Variants in YRDC observed in about 807,000 individuals in gnomAD.
YRDC encodes the protein yrdC N6-threonylcarbamoyltransferase domain containing, also known as threonylcarbamoyl-AMP synthase.
Under a neutral mutation model 21.5 loss-of-function variants are expected in YRDC, and 17 were observed. The observed-to-expected ratio is 0.79, with a 90% CI of 0.54 to 1.19. The LOEUF (loss-of-function observed/expected upper bound fraction) is 1.19. Ranked by LOEUF, YRDC falls within the 50% of genes most tolerant of loss-of-function variation. The pLI, the probability that YRDC is intolerant of heterozygous loss-of-function variation, is 0.00. For synonymous variants in YRDC, 193 were observed against 176.7 expected (o/e 1.09, Z -0.73); for missense variants, 380 against 397.1 (o/e 0.96, Z 0.37).
chr1:37,807,641 G>C, intron 1 of YRDC, 151 bp downstream of exon 1: 1 of 1,323,210 alleles, frequency 7.6e-7, no homozygotes, highest in Non-Finnish European at 9.8e-7. Context: ...CCCGGGGCAC[G>C]TTAAGTCCTC....
chr1:37,805,741 C>T (rs1048806019), intron 3 of YRDC, among the ~76,000 whole-genome samples: 1 of 152,186 alleles, frequency 6.6e-6, no homozygotes, highest in Non-Finnish European at 1.5e-5. Flanking sequence ...GAACCCTGAG[C>T]CCCACTCTAG....
rs530024611 is a variant in YRDC at position 37,803,282 on chromosome 1, A to G, written c.*643T>C. On this transcript the variant is annotated 3_prime_UTR_variant, in exon 5 of 5. Coordinates refer to ENST00000373044, the MANE Select transcript of YRDC (RefSeq NM_024640.4). ...ACAATACATGACACCACTAGGCCCAATGGCTCAGAGGGAAGAGTGGCCTGT... is the reference window on the plus strand; with the variant it reads ...ACAATACATGACACCACTAGGCCCAGTGGCTCAGAGGGAAGAGTGGCCTGT... The G allele has an allele frequency of 2.0e-5, 3 of 152,488 alleles. No homozygotes were observed. The highest frequency in any genetic ancestry group is 1.9e-4 in the East Asian group (1 of 5,206). The allele number at this position is 152,488 out of a possible 1,614,324, so 9.4% of individuals were successfully genotyped here. A position where few individuals can be genotyped will look rare whatever the true frequency, so the allele number is the denominator to read the frequency against.
Position 37,804,418 on chromosome 1 carries a change from C to T in YRDC, c.651G>A (p.Leu217=), listed in dbSNP as rs371399717. 8.1e-6 allele frequency: 13 copies of T among 1,613,580 alleles called. No homozygotes were observed. Among genetic ancestry groups the T allele is most frequent in the Non-Finnish European group, 1.1e-5 (13 of 1,179,564 alleles). ...TTTGTCCCCCATCAATAACCAAGGA[C>T]AACTGAGGCCAGAGATCCTGGAACT... ...VEEFQDLWPQ[L]SLVIDGGQIG... Residue 217 remains leucine, a synonymous_variant, in exon 4 of 5, where the codon TTG becomes TTA. Coordinates refer to ENST00000373044, the MANE Select transcript of YRDC (RefSeq NM_024640.4).
intron 1 of YRDC, chr1:37,807,533 T>C (rs918057962): frequency 1.5e-6 from 1 of 676,714 alleles, no homozygotes; most frequent in Non-Finnish European, 2.4e-6. Context: ...TGTTTGCTTT[T>C]TTCCCGGGGG....
chr1:37,806,569 A>C (rs1646737683), intron 3 of YRDC, among the ~76,000 whole-genome samples: 1 of 152,236 alleles, frequency 6.6e-6, no homozygotes, highest in Non-Finnish European at 1.5e-5. Flanking sequence ...AGAAACTGTT[A>C]TCTCCAGAAA....
chr1:37,807,992 G>A lies in YRDC; in HGVS notation c.189C>T (p.Arg63=). 2 of 1,201,370 alleles carry A rather than the reference G, an allele frequency of 1.7e-6. No individual in the cohort carries two copies. Among genetic ancestry groups the A allele is most frequent in the Non-Finnish European group, 1.0e-6 (1 of 969,288 alleles). The allele number at this position is 1,201,370 out of a possible 1,614,324, so 74.4% of individuals were successfully genotyped here. A position where few individuals can be genotyped will look rare whatever the true frequency, so the allele number is the denominator to read the frequency against. ...CCCGCAGCGCCTCGGTCCAGCCGGC[G>A]CGCTCCGGGCTCGCGGCCTGCACGG... is the stretch of plus-strand genomic sequence containing the variant. ...SGAVQAASPE[R]AGWTEALRAA... Residue 63 remains arginine (R), a synonymous_variant, in exon 1 of 5, where the codon CGC becomes CGT. Transcript: ENST00000373044.
chr1:37,802,984 AAAAAC>A lies in YRDC; in HGVS notation c.*936_*940del, dbSNP rs1473171954. ...GTTTAATAGCAGCATTTCTTTAAAG[AAAAAC>A]AAAGTTCAAATGCCCAATAATAATT... On this transcript the variant is annotated 3_prime_UTR_variant, in exon 5 of 5. Coordinates refer to ENST00000373044, the MANE Select transcript of YRDC (RefSeq NM_024640.4). 2 of 152,240 alleles carry A rather than the reference AAAAAC, an allele frequency of 1.3e-5. No homozygotes were observed. Among genetic ancestry groups the A allele is most frequent in the Non-Finnish European group, 1.5e-5 (1 of 68,040 alleles). The allele number at this position is 152,240 out of a possible 1,614,324, so 9.4% of individuals were successfully genotyped here.
Position 37,804,415 on chromosome 1 carries a change from G to C in YRDC, c.654C>G (p.Ser218=), listed in dbSNP as rs1204542316. The stretch of plus-strand genomic sequence containing the variant: ...CAATTTGTCCCCCATCAATAACCAA[G>C]GACAACTGAGGCCAGAGATCCTGGA... ...EEFQDLWPQL[S]LVIDGGQIGD... The change falls in exon 4 of 5, where the codon TCC becomes TCG. Residue 218 remains serine (S), a synonymous_variant. Coordinates refer to ENST00000373044, the MANE Select transcript of YRDC (RefSeq NM_024640.4). 2.5e-6 allele frequency: 4 copies of C among 1,613,648 alleles called. No homozygotes were observed. The highest frequency in any genetic ancestry group is 3.4e-6 in the Non-Finnish European group (4 of 1,179,740).
chr1:37,804,455 G>T lies in YRDC; in HGVS notation c.625-11C>A, dbSNP rs1370597259. 20 of 1,607,998 alleles carry T rather than the reference G, an allele frequency of 1.2e-5. No homozygotes were observed. The highest frequency in any genetic ancestry group is 1.6e-4 in the Middle Eastern group (1 of 6,062). On this transcript the variant is annotated splice_polypyrimidine_tract_variant and intron_variant, in intron 3 of 4. Coordinates refer to ENST00000373044, the MANE Select transcript of YRDC (RefSeq NM_024640.4). ...GAGATCCTGGAACTCCTGAGAAGAG[G>T]GAGAAGGAAGAGCATGGACACTATC...
chr1:37,805,457 A>G (rs1646728547), intron 3 of YRDC, among the ~76,000 whole-genome samples: 1 of 151,974 alleles, frequency 6.6e-6, no homozygotes, highest in South Asian at 2.1e-4. Flanking sequence ...TGAGAAGGAT[A>G]CTCCCCCTAG....
Position 37,803,930 on chromosome 1 carries a change from G to C in YRDC, c.835C>G (p.Leu279Val), listed in dbSNP as rs140873604. 3.0e-5 allele frequency: 48 copies of C among 1,614,104 alleles called. No individual in the cohort carries two copies. In the East Asian group the frequency reaches 1.1e-3, roughly 36 times the overall value. The change falls in exon 5 of 5, where the codon CTG becomes GTG. Residue 279 changes from leucine (L) to valine (V), a missense_variant. Physicochemically the swap from Leu to Val is conservative, Grantham distance 32 (BLOSUM62 1). Around this residue, in one of 3 missense-constraint regions of YRDC, gnomAD observed 238 missense variants for 236.5 expected, o/e 1.01. Coordinates refer to ENST00000373044, the MANE Select transcript of YRDC (RefSeq NM_024640.4). ...CCTTCCTGCTTCCCAGAGTTTCACAGGTAGGACGCATGTGAGGGGAGCAGT... is the reference window on the plus strand; with the variant it reads ...CCTTCCTGCTTCCCAGAGTTTCACACGTAGGACGCATGTGAGGGGAGCAGT... ...YGLLPSHASY[L>V]
chr1:37,807,316 C>CAATG, intron 1 of YRDC, 101 bp from the exon 2 acceptor site: 1 of 1,110,438 alleles, frequency 9.0e-7, no homozygotes, highest in Non-Finnish European at 1.3e-6. Flanking sequence ...TTCGAGTTTA[C>CAATG]AATGGGAGCC....
Position 37,803,977 on chromosome 1 carries a change from G to A in YRDC, c.788C>T (p.Ala263Val), listed in dbSNP as rs1245895080. Residue 263 changes from alanine (A) to valine (V), a missense_variant, in exon 5 of 5, where the codon GCC (alanine) becomes GTC (valine). Around this residue, in one of 3 missense-constraint regions of YRDC, gnomAD observed 238 missense variants for 236.5 expected, o/e 1.01. Transcript: ENST00000373044. Reference sequence around the variant, plus strand: ...CAGTCCGTACTTCTGTTGGAGGATGGCTGTAGTACTTTCCAGGGCACTGAG... The same window carrying A: ...CAGTCCGTACTTCTGTTGGAGGATGACTGTAGTACTTTCCAGGGCACTGAG... ...RPGCALESTT[A>V]ILQQKYGLLP... The A allele has an allele frequency of 3.1e-6, 5 of 1,614,054 alleles. No individual in the cohort carries two copies. Among genetic ancestry groups the A allele is most frequent in the Middle Eastern group, 1.6e-4 (1 of 6,080 alleles).
At chr1:37,804,589 G>C in intron 3 of YRDC, 145 bp from the exon 4 acceptor site, 3 of 1,109,558 alleles carry the variant, frequency 2.7e-6, no homozygotes, top group Non-Finnish European at 2.5e-6. Context: ...TTTAGTTAAG[G>C]TCAACTGTGC....
intron 4 of YRDC, 150 bp downstream of exon 4, chr1:37,804,152 C>G: frequency 7.0e-7 from 1 of 1,430,446 alleles, no homozygotes. Context: ...AGCCAGGAAA[C>G]TTAGTCCCAC....
intron 3 of YRDC, 94 bp downstream of exon 3, chr1:37,806,763 C>A: frequency 6.4e-7 from 1 of 1,571,742 alleles, no homozygotes; most frequent in Non-Finnish European, 8.7e-7. Context: ...AACTCTCATG[C>A]CTGGCCATCC....
At position 37,807,807 on chromosome 1, in the gene YRDC, A is replaced by T; in HGVS notation, c.374T>A (p.Val125Glu). 1 of 1,510,100 alleles carries T rather than the reference A, an allele frequency of 6.6e-7. No homozygotes were observed. The highest frequency in any genetic ancestry group is 1.2e-5 in the South Asian group (1 of 82,976). 93.5% of individuals were successfully genotyped at this position (1,510,100 alleles called of 1,614,324 possible). A position where few individuals can be genotyped will look rare whatever the true frequency, so the allele number is the denominator to read the frequency against. Residue 125 changes from valine (V) to glutamate (E), a missense_variant, in exon 1 of 5, where the codon GTG (valine) becomes GAG (glutamate). Physicochemically the swap from Val to Glu is moderately radical, Grantham distance 121 (BLOSUM62 -2). Transcript: ENST00000373044. ...GCGGCCTTACCTGTAGACGTCGGCC[A>T]CGCGGCCGAGGCATACGGCCAGAGG... ...AKPLAVCLGR[V>E]ADVYRYCRVR...
chr1:37,803,922 G>A lies in YRDC; in HGVS notation c.*3C>T. 1 of 1,614,046 alleles carries A rather than the reference G, an allele frequency of 6.2e-7. No homozygotes were observed. Among genetic ancestry groups the A allele is most frequent in the Non-Finnish European group, 8.5e-7 (1 of 1,179,994 alleles). On this transcript the variant is annotated 3_prime_UTR_variant, in exon 5 of 5. Transcript: ENST00000373044. ...GTCTTGGGCCTTCCTGCTTCCCAGA[G>A]TTTCACAGGTAGGACGCATGTGAGG...
chr1:37,807,719 G>T, intron 1 of YRDC, 73 bp downstream of exon 1: 1 of 1,388,964 alleles, frequency 7.2e-7, no homozygotes, highest in Non-Finnish European at 9.4e-7. Flanking sequence ...CTGCGCCTCA[G>T]TCTCCCAAGC....
Sources: allele counts gnomAD v4.1 joint callset (sites outside exome capture counted in the v4.1 genomes callset), GRCh38; gene constraint gnomAD v4.1.1; regional missense constraint gnomAD v4.1.1; transcripts MANE v1.5; gene names NCBI Gene and HGNC (gene_info 2026-07-23, HGNC 2026-07-21).